The following PIP4K2A variants were observed in gnomAD, a reference collection of about 807,000 sequenced individuals.
The protein encoded by PIP4K2A is phosphatidylinositol 5-phosphate 4-kinase type-2 alpha.
PIP4K2A carries 14 observed loss-of-function variants against 42.9 expected under a neutral mutation model. That is an observed-to-expected ratio of 0.33 (90% CI 0.22 to 0.51). The LOEUF (loss-of-function observed/expected upper bound fraction) is 0.51, where lower values mean the gene tolerates loss of function less well. Among genes scored for constraint, PIP4K2A ranks in the 20% least tolerant of loss-of-function variants. The probability of loss-of-function intolerance (pLI) is 0.97; values close to 1 mark genes in which losing one functional copy is unlikely to be tolerated. For synonymous variants in PIP4K2A, 192 were observed against 192.2 expected (o/e 1.00, Z 0.01); for missense variants, 434 against 519.8 (o/e 0.83, Z 1.61).
At chr10:22,601,962 T>TC (rs1158889309) in intron 3 of PIP4K2A, among the ~76,000 whole-genome samples, 2 of 152,222 alleles carry the variant, frequency 1.3e-5, no homozygotes, top group Non-Finnish European at 2.9e-5. Context: ...GGTTTACTTC[T>TC]CTCAATGTCT....
At chr10:22,543,639 A>G (rs1007415363) in intron 7 of PIP4K2A, among the ~76,000 whole-genome samples, 1 of 152,194 alleles carries the variant, frequency 6.6e-6, no homozygotes, top group Non-Finnish European at 1.5e-5. Flanking sequence ...TCCAGCAGTC[A>G]GAGACTGCGC....
intron 1 of PIP4K2A, among the ~76,000 whole-genome samples, chr10:22,616,396 G>T (rs988914650): frequency 1.3e-5 from 2 of 152,232 alleles, no homozygotes; most frequent in African/African-American, 4.8e-5. Context: ...GGGGGTAGAG[G>T]TGCTATTATC....
intron 1 of PIP4K2A, among the ~76,000 whole-genome samples, chr10:22,654,643 C>T (rs1463222939): frequency 6.6e-6 from 1 of 151,970 alleles, no homozygotes; most frequent in Non-Finnish European, 1.5e-5. Context: ...TGTGCATTCC[C>T]AAGAAAGGGT....
At chr10:22,608,046 T>A in intron 2 of PIP4K2A, 23 bp from the exon 3 acceptor site, 1 of 1,493,224 alleles carries the variant, frequency 6.7e-7, no homozygotes, top group African/African-American at 1.4e-5. Context: ...CAGCGTGGAA[T>A]AAAGCTCAGA....
At chr10:22,590,600 A>T (rs770659404) in intron 4 of PIP4K2A, among the ~76,000 whole-genome samples, 2 of 152,326 alleles carry the variant, frequency 1.3e-5, no homozygotes, top group South Asian at 2.1e-4. Context: ...GTGGAGGCTC[A>T]CACCTGTAAC....
intron 6 of PIP4K2A, among the ~76,000 whole-genome samples, chr10:22,565,049 ACAAT>A (rs1409553460): frequency 6.6e-6 from 1 of 151,772 alleles, no homozygotes; most frequent in African/African-American, 2.4e-5. Flanking sequence ...CTCATCACAG[ACAAT>A]CAATATCTGA....
intron 1 of PIP4K2A, among the ~76,000 whole-genome samples, chr10:22,652,689 C>T (rs1269699426): frequency 1.3e-5 from 2 of 152,162 alleles, no homozygotes; most frequent in Admixed American, 6.5e-5. Flanking sequence ...CATCTTGCAA[C>T]TCAGGTTACA....
intron 1 of PIP4K2A, among the ~76,000 whole-genome samples, chr10:22,697,757 TACAC>T (rs151301073): frequency 6.6e-6 from 1 of 150,834 alleles, no homozygotes; most frequent in East Asian, 1.9e-4. Flanking sequence ...AACACACACA[TACAC>T]ACACACACAC....
chr10:22,621,061 T>G (rs1838318570), intron 1 of PIP4K2A, among the ~76,000 whole-genome samples: 1 of 152,212 alleles, frequency 6.6e-6, no homozygotes. Flanking sequence ...TGCCTGCAGT[T>G]GCCTGTAACC....
chr10:22,614,614 A>G (rs182206974), intron 1 of PIP4K2A, among the ~76,000 whole-genome samples: 8 of 152,348 alleles, frequency 5.3e-5, no homozygotes, highest in African/African-American at 1.4e-4. Flanking sequence ...AGAAGCTTTT[A>G]ATTAGTAAAC....
chr10:22,709,579 T>A (rs899428412), intron 1 of PIP4K2A, among the ~76,000 whole-genome samples: 1 of 152,200 alleles, frequency 6.6e-6, no homozygotes, highest in Non-Finnish European at 1.5e-5. Context: ...CGGCAACCTA[T>A]CTAAAGACAC....
chr10:22,589,580 C>T (rs572908097), intron 4 of PIP4K2A, among the ~76,000 whole-genome samples: 3 of 152,298 alleles, frequency 2.0e-5, no homozygotes, highest in Admixed American at 2.0e-4. Context: ...GACTTCACTG[C>T]AAGCAAAATG....
At chr10:22,713,681 C>A (rs1367359424) in intron 1 of PIP4K2A, among the ~76,000 whole-genome samples, 1 of 152,172 alleles carries the variant, frequency 6.6e-6, no homozygotes, top group Non-Finnish European at 1.5e-5. Context: ...GTATCCTCGC[C>A]CCAGTGCCCC....
At chr10:22,570,215 C>G (rs1339087423) in intron 5 of PIP4K2A, among the ~76,000 whole-genome samples, 1 of 152,164 alleles carries the variant, frequency 6.6e-6, no homozygotes, top group Non-Finnish European at 1.5e-5. Flanking sequence ...ACATATGTAT[C>G]TTATTTAATT....
intron 1 of PIP4K2A, among the ~76,000 whole-genome samples, chr10:22,645,741 C>CT (rs1172745185): frequency 6.7e-6 from 1 of 150,200 alleles, no homozygotes; most frequent in Admixed American, 6.6e-5. Context: ...ACAGGGTCTA[C>CT]ACTCCAAGCT....
intron 1 of PIP4K2A, among the ~76,000 whole-genome samples, chr10:22,712,942 CTG>C (rs986494955): frequency 1.4e-5 from 2 of 138,394 alleles, no homozygotes; most frequent in Non-Finnish European, 3.2e-5. Context: ...GTGTGTGTGT[CTG>C]TGTGTGTGTT....
At chr10:22,680,757 A>G (rs932477821) in intron 1 of PIP4K2A, among the ~76,000 whole-genome samples, 2 of 152,204 alleles carry the variant, frequency 1.3e-5, no homozygotes, top group Non-Finnish European at 2.9e-5. Flanking sequence ...CTACACATGT[A>G]TTGAGGTCTT....
intron 1 of PIP4K2A, among the ~76,000 whole-genome samples, chr10:22,695,732 T>A (rs896218297): frequency 2.0e-5 from 3 of 152,120 alleles, no homozygotes; most frequent in East Asian, 3.8e-4. Context: ...CCTGCACACA[T>A]CCTCCCATAT....
At chr10:22,649,339 A>G (rs1431610707) in intron 1 of PIP4K2A, among the ~76,000 whole-genome samples, 4 of 152,184 alleles carry the variant, frequency 2.6e-5, no homozygotes, top group Admixed American at 6.5e-5. Flanking sequence ...TATTGTTTTA[A>G]GTTCACACTT....
Sources: gnomAD v4.1 joint callset for allele counts (sites outside exome capture counted in the v4.1 genomes callset) on GRCh38, gnomAD v4.1.1 for gene constraint, MANE v1.5 for transcripts, NCBI Gene and HGNC (gene_info 2026-07-23, HGNC 2026-07-21) for gene names.